ARHGAP8: variants seen among roughly 807,000 people sequenced by gnomAD.
ARHGAP8 encodes the protein Rho GTPase activating protein 8.
ARHGAP8 carries 62 observed loss-of-function variants against 46.1 expected under a neutral mutation model. The observed-to-expected ratio is 1.34, with a 90% CI of 1.10 to 1.66. The LOEUF (loss-of-function observed/expected upper bound fraction) is 1.66. ARHGAP8 is among the 40% of genes most tolerant of loss of function. ARHGAP8 has a pLI of 0.00. For missense variants in ARHGAP8, 923 were observed against 568.4 expected, an observed-to-expected ratio of 1.62 and a Z score of -6.34; for synonymous variants, 375 against 243.1, an observed-to-expected ratio of 1.54 and a Z score of -5.05.
chr22:44,858,632 A>C (rs2070316721), intron 10 of ARHGAP8, among the ~76,000 whole-genome samples: 1 of 145,452 alleles, frequency 6.9e-6, no homozygotes, highest in South Asian at 2.2e-4. Flanking sequence ...CGGCCTCCCA[A>C]AGTGTTGGGA....
rs745979636 is a variant in ARHGAP8 at position 44,862,189 on chromosome 22, C to T, written c.982-86C>T. 245 of 1,486,580 alleles carry T rather than the reference C, an allele frequency of 1.6e-4. 1 individual carries two copies. The highest frequency in any genetic ancestry group is 9.9e-4 in the East Asian group (43 of 43,652). 92.1% of individuals were successfully genotyped at this position (1,486,580 alleles called of 1,614,324 possible). A position where few individuals can be genotyped will look rare whatever the true frequency, so the allele number is the denominator to read the frequency against. ...TCCAGTGCTCCTCTCACTACACCTACGCCTCTCCCTAAGTTCGGGAGGGAG... is the reference window on the plus strand; with the variant it reads ...TCCAGTGCTCCTCTCACTACACCTATGCCTCTCCCTAAGTTCGGGAGGGAG... On this transcript the variant is annotated intron_variant, in intron 11 of 11. Transcript: ENST00000356099.
chr22:44,824,671 C>T (rs1337608129), intron 6 of ARHGAP8, among the ~76,000 whole-genome samples: 13 of 147,322 alleles, frequency 8.8e-5, no homozygotes, highest in South Asian at 2.2e-4. Context: ...CTTGCTCTAT[C>T]GCCCAGGCTG....
At chr22:44,825,224 T>G (rs1341079680) in intron 6 of ARHGAP8, among the ~76,000 whole-genome samples, 1 of 152,100 alleles carries the variant, frequency 6.6e-6, no homozygotes, top group Non-Finnish European at 1.5e-5. Context: ...GTGAGGCTGC[T>G]CTGCTGGCCA....
intron 2 of ARHGAP8, among the ~76,000 whole-genome samples, chr22:44,799,295 A>C (rs1027288735): frequency 4.6e-5 from 7 of 152,234 alleles, no homozygotes; most frequent in Non-Finnish European, 8.8e-5. Context: ...GGCCTGTACC[A>C]CTGGGGTTGG....
intron 1 of ARHGAP8, among the ~76,000 whole-genome samples, chr22:44,756,219 C>A (rs1418132041): frequency 6.6e-6 from 1 of 152,096 alleles, no homozygotes; most frequent in Non-Finnish European, 1.5e-5. Context: ...TAGCTCCCCG[C>A]TCCCTTCCCC....
Position 44,785,245 on chromosome 22 carries a change from C to T in ARHGAP8, c.-71-1212C>T, listed in dbSNP as rs563276265. Among the ~76,000 whole-genome samples the T allele has an allele frequency of 2.6e-5, 4 of 152,270 alleles. No homozygotes were observed. The East Asian group carries it at 7.7e-4, about 29-fold the overall frequency. ...CTCACCAGCCTCGTCATGCCCTAGG[C>T]CTCCTAACTCCATGGGACCTGAATC... On this transcript the variant is annotated intron_variant, in intron 1 of 11. Transcript: ENST00000356099.
At position 44,809,426 on chromosome 22, in the gene ARHGAP8, C is replaced by T. The variant is rs928226209; in HGVS notation, c.299+988C>T. On this transcript the variant is annotated intron_variant, in intron 4 of 11. Coordinates refer to ENST00000356099, the MANE Select transcript of ARHGAP8 (RefSeq NM_181335.3). ...ACTGGCAAAGAAACAACTGCATGAC[C>T]GTTTCTTCACTAAAGCCTCTTCTTG... is the stretch of plus-strand genomic sequence containing the variant. 6.8e-5 allele frequency: 24 copies of T among 351,044 alleles called. 1 individual carries two copies. The highest frequency in any genetic ancestry group is 2.0e-4 in the South Asian group (9 of 46,086). 21.7% of individuals were successfully genotyped at this position (351,044 alleles called of 1,614,324 possible).
intron 4 of ARHGAP8, among the ~76,000 whole-genome samples, chr22:44,813,676 C>A (rs1929522709): frequency 6.6e-6 from 1 of 150,492 alleles, no homozygotes; most frequent in Non-Finnish European, 1.5e-5. Context: ...CACCTACACA[C>A]CCCTAGGTAT....
chr22:44,771,576 C>T (rs1230063277), intron 1 of ARHGAP8, among the ~76,000 whole-genome samples: 1 of 145,270 alleles, frequency 6.9e-6, no homozygotes, highest in Non-Finnish European at 1.5e-5. Context: ...TTTTTTGAGA[C>T]AAAGTCTTGC....
chr22:44,858,193 G>A (rs921515295), intron 10 of ARHGAP8, among the ~76,000 whole-genome samples: 7 of 152,196 alleles, frequency 4.6e-5, no homozygotes, highest in Non-Finnish European at 1.0e-4. Context: ...TGTTTGTAGA[G>A]CACCCGGTGG....
intron 2 of ARHGAP8, among the ~76,000 whole-genome samples, chr22:44,799,513 G>A (rs1928331268): frequency 6.6e-6 from 1 of 152,114 alleles, no homozygotes; most frequent in African/African-American, 2.4e-5. Context: ...AAGAACTGAA[G>A]GAAGGCTGCT....
At chr22:44,836,001 C>T (rs773176780) in intron 7 of ARHGAP8, among the ~76,000 whole-genome samples, 5 of 152,132 alleles carry the variant, frequency 3.3e-5, no homozygotes, top group Admixed American at 6.5e-5. Flanking sequence ...GGTTCTGAGC[C>T]GTGTGTGCCA....
chr22:44,849,962 T>C (rs1451330903), intron 10 of ARHGAP8: 1 of 152,152 alleles, frequency 6.6e-6, no homozygotes, highest in Non-Finnish European at 1.5e-5. Context: ...TGATGGTTTA[T>C]GGTAACTCAT....
Position 44,845,334 on chromosome 22 carries a change from G to A in ARHGAP8, c.662G>A (p.Arg221Lys). Reference protein sequence around the residue: ...PVLRFTVTYLREKGLRTEGLF... With the variant: ...PVLRFTVTYLKEKGLRTEGLF... ...CTGAGGTTCACAGTGACGTACCTGA[G>A]AGAGAAAGGTGAGACGGGGCCGGCT... The change falls in exon 8 of 12, where the codon AGA becomes AAA. Residue 221 changes from arginine (R) to lysine (K), a missense_variant. By Grantham distance (26) the Arg-to-Lys change is conservative. Coordinates refer to ENST00000356099, the MANE Select transcript of ARHGAP8 (RefSeq NM_181335.3). 6.2e-7 allele frequency: 1 copy of A among 1,614,148 alleles called. No homozygotes were observed. Among genetic ancestry groups the A allele is most frequent in the Non-Finnish European group, 8.5e-7 (1 of 1,180,004 alleles).
Position 44,804,539 on chromosome 22 carries a change from T to G in ARHGAP8, c.167+2375T>G, listed in dbSNP as rs536401202. 8.5e-5 allele frequency among the ~76,000 whole-genome samples: 13 copies of G among 152,326 alleles called. No homozygotes were observed. The South Asian group carries it at 2.7e-3, about 32-fold the overall frequency. On this transcript the variant is annotated intron_variant, in intron 3 of 11. Transcript: ENST00000356099. ...CTCTGGGTGTCCCTGGAAACATTTA[T>G]GTGCCCTTGTGAGGACAGGGAGCAC...
chr22:44,768,411 C>T (rs1425133488), intron 1 of ARHGAP8, among the ~76,000 whole-genome samples: 2 of 151,916 alleles, frequency 1.3e-5, no homozygotes, highest in South Asian at 2.1e-4. Context: ...GCAATCCTCC[C>T]ACCTCAGCCT....
intron 7 of ARHGAP8, among the ~76,000 whole-genome samples, chr22:44,826,682 T>A (rs1426355156): frequency 6.6e-6 from 1 of 152,142 alleles, no homozygotes; most frequent in Non-Finnish European, 1.5e-5. Flanking sequence ...CCTCTCAGCC[T>A]CCCAAAGTGC....
At chr22:44,784,414 AAAC>A (rs1300131910) in intron 1 of ARHGAP8, among the ~76,000 whole-genome samples, 14 of 152,198 alleles carry the variant, frequency 9.2e-5, no homozygotes, top group African/African-American at 2.2e-4. Context: ...AAACAAAACA[AAAC>A]AACAACAAAC....
chr22:44,858,064 A>C (rs1478268870), intron 10 of ARHGAP8, among the ~76,000 whole-genome samples: 1 of 152,036 alleles, frequency 6.6e-6, no homozygotes, highest in Non-Finnish European at 1.5e-5. Flanking sequence ...TACTCATTTC[A>C]AGGGAATTCC....
Sources: allele counts gnomAD v4.1 joint callset (sites outside exome capture counted in the v4.1 genomes callset), GRCh38; gene constraint gnomAD v4.1.1; transcripts MANE v1.5; gene names NCBI Gene and HGNC (gene_info 2026-07-23, HGNC 2026-07-21).